IL16: variants seen among roughly 807,000 people sequenced by gnomAD.
The protein encoded by IL16 is pro-interleukin-16.
IL16 carries 67 observed loss-of-function variants against 110.1 expected under a neutral mutation model. The ratio of observed to expected loss-of-function variants is 0.61; its 90% confidence interval spans 0.50 to 0.75. The LOEUF is 0.75. Ranked by LOEUF, IL16 falls within the 30% of genes least tolerant of loss-of-function variation. IL16 has a pLI of 0.00. For missense variants in IL16, 1,545 were observed against 1,655.0 expected, an observed-to-expected ratio of 0.93 and a Z score of 1.15; for synonymous variants, 689 against 662.9, an observed-to-expected ratio of 1.04 and a Z score of -0.61.
Position 81,240,676 on chromosome 15 carries a change from C to T in IL16, c.312+14965C>T, listed in dbSNP as rs1028615116. 1.4e-4 allele frequency among the ~76,000 whole-genome samples: 22 copies of T among 151,940 alleles called. No homozygotes were observed. The East Asian group carries it at 3.9e-3, about 27-fold the overall frequency. Reference sequence around the variant, plus strand: ...TTCAATGTTATATACTCATTCAAACCTTTTTCTATTTTTCTTTTGGCTTGC... The same window carrying T: ...TTCAATGTTATATACTCATTCAAACTTTTTTCTATTTTTCTTTTGGCTTGC... On this transcript the variant is annotated intron_variant, in intron 2 of 18. Transcript: ENST00000683961.
chr15:81,291,971 G>A (rs1013027689), intron 11 of IL16: 1 of 455,998 alleles, frequency 2.2e-6, no homozygotes, highest in Admixed American at 2.3e-5. Flanking sequence ...CTGAGATGGA[G>A]TTTGGTCTGC....
chr15:81,294,149 C>T (rs919805979), intron 12 of IL16, among the ~76,000 whole-genome samples: 3 of 152,124 alleles, frequency 2.0e-5, no homozygotes, highest in South Asian at 2.1e-4. Flanking sequence ...GCGGTGGAGA[C>T]GGGATGTTGA....
At chr15:81,245,724 CTTTTTTTT>C (rs1009292228) in intron 2 of IL16, among the ~76,000 whole-genome samples, 2 of 61,282 alleles carry the variant, frequency 3.3e-5, no homozygotes, top group Admixed American at 2.0e-4. Flanking sequence ...TTTGTTTTGG[CTTTTTTTT>C]TTTTTTTTTT....
chr15:81,239,282 G>A (rs566324017), intron 2 of IL16, among the ~76,000 whole-genome samples: 1 of 152,262 alleles, frequency 6.6e-6, no homozygotes, highest in South Asian at 2.1e-4. Flanking sequence ...GGATTAGCAT[G>A]TAGTTCTGGC....
chr15:81,251,482 T>C (rs66628172), intron 2 of IL16, among the ~76,000 whole-genome samples: 23,032 of 152,224 alleles, frequency 0.15, 2,023 homozygotes, highest in Middle Eastern at 0.22. Context: ...TCTCCTGTCA[T>C]GACACCTTTA....
chr15:81,279,986 T>C (rs1240531036), intron 8 of IL16, among the ~76,000 whole-genome samples: 1 of 152,094 alleles, frequency 6.6e-6, no homozygotes, highest in African/African-American at 2.4e-5. Flanking sequence ...GGGTCAGTGG[T>C]TTAAATAAAG....
intron 11 of IL16, chr15:81,292,321 C>T (rs1899758800): frequency 1.7e-6 from 1 of 590,778 alleles, no homozygotes; most frequent in Admixed American, 2.7e-5. Context: ...GGTGGCATAT[C>T]TCCATATACA....
intron 14 of IL16, 31 bp downstream of exon 14, chr15:81,300,506 CCTTTCTCATCTTTTT>C (rs754596386): frequency 5.8e-6 from 8 of 1,390,540 alleles, no homozygotes; most frequent in South Asian, 2.5e-5. Context: ...TTTCTCTTTA[CCTTTCTCATCTTTTT>C]CTTTCTCATC....
intron 6 of IL16, among the ~76,000 whole-genome samples, chr15:81,275,385 G>A (rs1441059232): frequency 1.7e-5 from 2 of 116,106 alleles, no homozygotes; most frequent in East Asian, 3.1e-4. Flanking sequence ...GGGAGGGGAG[G>A]GGAGGGGAGG....
rs890137517 is a variant in IL16, at chr15:81,311,135, G to T, written c.*2337G>T. 3.3e-5 allele frequency: 5 copies of T among 152,218 alleles called. No individual in the cohort carries two copies. The highest frequency in any genetic ancestry group is 6.3e-3 in the Middle Eastern group (2 of 316). The allele number at this position is 152,218 out of a possible 1,614,324, so 9.4% of individuals were successfully genotyped here. A position where few individuals can be genotyped will look rare whatever the true frequency, so the allele number is the denominator to read the frequency against. On this transcript the variant is annotated 3_prime_UTR_variant, in exon 19 of 19. Coordinates refer to ENST00000683961, the MANE Select transcript of IL16 (RefSeq NM_172217.5). The stretch of plus-strand genomic sequence containing the variant: ...GGATTTACACTTGAGGCTTAGCTTT[G>T]CTCTGCCAACTTCTTCAGAGCTGAC...
chr15:81,305,905 C>G lies in IL16; in HGVS notation c.3421-3C>G. ...TGGTCCTGACTTCCTTTGGTTTGCT[C>G]AGGTTCACAGAGTGTTTCCAAATGG... On this transcript the variant is annotated splice_region_variant and splice_polypyrimidine_tract_variant and intron_variant, in intron 16 of 18. Transcript: ENST00000683961. The G allele has an allele frequency of 6.2e-7, 1 of 1,613,550 alleles. No homozygotes were observed. Among genetic ancestry groups the G allele is most frequent in the Non-Finnish European group, 8.5e-7 (1 of 1,179,644 alleles).
intron 4 of IL16, among the ~76,000 whole-genome samples, 199 bp from the exon 5 acceptor site, chr15:81,269,339 G>C (rs746602191): frequency 1.3e-5 from 2 of 152,154 alleles, no homozygotes; most frequent in South Asian, 2.1e-4. Context: ...AGCAAAGCAG[G>C]CTCCTAGAAC....
At chr15:81,218,927 G>A (rs1896524253) in intron 1 of IL16, among the ~76,000 whole-genome samples, 1 of 144,670 alleles carries the variant, frequency 6.9e-6, no homozygotes, top group Non-Finnish European at 1.5e-5. Flanking sequence ...GTTTTTTTGA[G>A]TAACAATTTT....
intron 2 of IL16, among the ~76,000 whole-genome samples, chr15:81,255,264 T>C (rs577047956): frequency 4.6e-5 from 7 of 152,330 alleles, no homozygotes; most frequent in Admixed American, 6.5e-5. Context: ...GACCTCAACT[T>C]GGGTCGAGAT....
chr15:81,194,934 G>A (rs912568656), upstream of IL16, among the ~76,000 whole-genome samples: 2 of 152,186 alleles, frequency 1.3e-5, no homozygotes, highest in Non-Finnish European at 2.9e-5. Flanking sequence ...GTTCTAACCA[G>A]GGCGGGGCTC....
chr15:81,201,435 A>C (rs1895810441), intron 1 of IL16, among the ~76,000 whole-genome samples: 1 of 152,168 alleles, frequency 6.6e-6, no homozygotes, highest in Admixed American at 6.6e-5. Context: ...TTCTATTTAG[A>C]GATCACGAAA....
At chr15:81,204,474 C>T (rs1709533737) in intron 1 of IL16, among the ~76,000 whole-genome samples, 1 of 151,910 alleles carries the variant, frequency 6.6e-6, no homozygotes, top group African/African-American at 2.4e-5. Context: ...ATAGATAGCT[C>T]TTATTATTTT....
intron 2 of IL16, among the ~76,000 whole-genome samples, chr15:81,244,209 A>G (rs1897453699): frequency 6.6e-6 from 1 of 152,292 alleles, no homozygotes; most frequent in South Asian, 2.1e-4. Context: ...TTTTGCTTCA[A>G]CCATCAAATA....
At chr15:81,283,893 C>G (rs893989170) in intron 9 of IL16, among the ~76,000 whole-genome samples, 1 of 151,212 alleles carries the variant, frequency 6.6e-6, no homozygotes, top group Non-Finnish European at 1.5e-5. Flanking sequence ...ATCCCAGTTA[C>G]TTGGGAGGCT....
Sources: allele counts gnomAD v4.1 joint callset (sites outside exome capture counted in the v4.1 genomes callset), GRCh38; gene constraint gnomAD v4.1.1; transcripts MANE v1.5; gene names NCBI Gene and HGNC (gene_info 2026-07-23, HGNC 2026-07-21).